HMGXB3: variants seen among roughly 807,000 people sequenced by gnomAD.
The protein encoded by HMGXB3 is HMG-box containing 3.
HMGXB3 carries 45 observed loss-of-function variants against 121.5 expected under a neutral mutation model. That is an observed-to-expected ratio of 0.37 (90% CI 0.29 to 0.47). The LOEUF is 0.47. Among genes scored for constraint, HMGXB3 ranks in the 20% least tolerant of loss-of-function variants. HMGXB3 has a pLI of 0.99. For missense variants in HMGXB3, 1,376 were observed against 1,602.2 expected (o/e 0.86, Z 2.41); for synonymous variants, 590 against 624.1 (o/e 0.95, Z 0.81).
In HMGXB3 at chr5:150,048,832, C is replaced by T. The variant is rs216125; in HGVS notation, c.3201+147C>T. On this transcript the variant is annotated intron_variant, in intron 18 of 19. Coordinates refer to ENST00000502717, the MANE Select transcript of HMGXB3 (RefSeq NM_014983.3). ...CTGCCCACGGGTCAGGTGCTACCCC[C>T]TGGGCTAGGGAGGGAGGCTGGGTCT... The T allele has an allele frequency of 3.2e-4, 203 of 634,352 alleles. 6 individuals carry two copies. The highest frequency in any genetic ancestry group is 3.0e-3 in the South Asian group (157 of 53,172). 39.3% of individuals were successfully genotyped at this position (634,352 alleles called of 1,614,324 possible). A position where few individuals can be genotyped will look rare whatever the true frequency, so the allele number is the denominator to read the frequency against.
At chr5:150,037,626 C>A in intron 13 of HMGXB3, 99 bp downstream of exon 13, 2 of 1,058,274 alleles carry the variant, frequency 1.9e-6, no homozygotes, top group Non-Finnish European at 2.5e-6. Flanking sequence ...TGGGCCTTCT[C>A]AGATGGGGCT....
chr5:150,023,956 A>G (rs1025234489), intron 6 of HMGXB3, among the ~76,000 whole-genome samples: 6 of 152,248 alleles, frequency 3.9e-5, no homozygotes, highest in Non-Finnish European at 5.9e-5. Flanking sequence ...ATGTAAAACT[A>G]AATGTAAACC....
chr5:150,048,771 G>T, intron 18 of HMGXB3, 86 bp downstream of exon 18: 1 of 1,043,236 alleles, frequency 9.6e-7, no homozygotes. Context: ...AGTTTTGGGG[G>T]GCTAGACTTA....
At chr5:150,003,968 C>T (rs1581243841) in intron 1 of HMGXB3, among the ~76,000 whole-genome samples, 1 of 151,810 alleles carries the variant, frequency 6.6e-6, no homozygotes, top group African/African-American at 2.4e-5. Flanking sequence ...AACAAAAAAC[C>T]CAAAAACAAA....
intron 5 of HMGXB3, 139 bp from the exon 6 acceptor site, chr5:150,018,427 C>T: frequency 4.7e-6 from 3 of 635,872 alleles, no homozygotes; most frequent in South Asian, 4.5e-5. Flanking sequence ...AGGACCTTTC[C>T]AACACTGACC....
chr5:150,002,466 G>C (rs1349938640), intron 1 of HMGXB3, among the ~76,000 whole-genome samples: 6 of 152,124 alleles, frequency 3.9e-5, no homozygotes, highest in African/African-American at 1.2e-4. Flanking sequence ...CTAAATGAGA[G>C]GTGTGTGGGC....
In HMGXB3 at chr5:150,043,866, A is replaced by G. The variant is rs371713011; in HGVS notation, c.2731-1600A>G. Among the ~76,000 whole-genome samples, 33 of 152,300 alleles carry G rather than the reference A, an allele frequency of 2.2e-4. No homozygotes were observed. The East Asian group carries it at 5.2e-3, about 24-fold the overall frequency. Reference sequence around the variant, plus strand: ...GCTCTTTCTCAGCCGCTGACTGTGGAGTCTGCACCCTAAGCACTGCCATTC... The same window carrying G: ...GCTCTTTCTCAGCCGCTGACTGTGGGGTCTGCACCCTAAGCACTGCCATTC... On this transcript the variant is annotated intron_variant, in intron 15 of 19. Transcript: ENST00000502717.
intron 1 of HMGXB3, among the ~76,000 whole-genome samples, chr5:150,003,615 AAACTTAATG>A (rs1755627612): frequency 7.2e-6 from 1 of 139,418 alleles, no homozygotes; most frequent in African/African-American, 2.5e-5. Context: ...ATTAAAAAAA[AAACTTAATG>A]AACTCTTCCA....
intron 11 of HMGXB3, among the ~76,000 whole-genome samples, 182 bp from the exon 12 acceptor site, chr5:150,036,454 A>G (rs888098938): frequency 6.6e-6 from 1 of 152,164 alleles, no homozygotes; most frequent in African/African-American, 2.4e-5. Context: ...TGAGCCCCAC[A>G]GAGAAAAATA....
chr5:150,050,347 G>A lies in HMGXB3; in HGVS notation c.3297G>A (p.Val1099=), dbSNP rs1326078376. Residue 1099 remains valine, a synonymous_variant, in exon 19 of 20, where the codon GTG becomes GTA. Coordinates refer to ENST00000502717, the MANE Select transcript of HMGXB3 (RefSeq NM_014983.3). ...CCCGCCACTGGCCGCCTGTCTATGTGGTAGATATGGCCACGTCAGTGGCCC... is the reference window on the plus strand; with the variant it reads ...CCCGCCACTGGCCGCCTGTCTATGTAGTAGATATGGCCACGTCAGTGGCCC... ...ASSRHWPPVY[V]VDMATSVALC... 1.3e-6 allele frequency: 2 copies of A among 1,551,900 alleles called. No homozygotes were observed. The highest frequency in any genetic ancestry group is 1.7e-6 in the Non-Finnish European group (2 of 1,147,032).
At chr5:150,039,071 TAC>T (rs1361922604) in intron 13 of HMGXB3, among the ~76,000 whole-genome samples, 13 of 152,368 alleles carry the variant, frequency 8.5e-5, no homozygotes, top group African/African-American at 3.1e-4. Context: ...GGGTAAAAGT[TAC>T]AGTTTGCTCT....
chr5:150,017,937 A>G (rs1755995303), intron 5 of HMGXB3, among the ~76,000 whole-genome samples: 2 of 152,242 alleles, frequency 1.3e-5, no homozygotes, highest in Admixed American at 6.5e-5. Flanking sequence ...ATTAATATGC[A>G]AATAACTACA....
chr5:150,042,719 T>C (rs1161802811), intron 15 of HMGXB3, among the ~76,000 whole-genome samples: 2 of 152,170 alleles, frequency 1.3e-5, no homozygotes, highest in African/African-American at 4.8e-5. Flanking sequence ...GGAGAGCCAC[T>C]GAAGGGGTTG....
intron 3 of HMGXB3, among the ~76,000 whole-genome samples, chr5:150,007,223 C>T (rs117695358): frequency 2.0e-5 from 3 of 152,326 alleles, no homozygotes; most frequent in East Asian, 3.9e-4. Flanking sequence ...GGTTAAAGGA[C>T]TAACAAGGAA....
intron 15 of HMGXB3, among the ~76,000 whole-genome samples, chr5:150,044,796 C>T (rs141896269): frequency 9.9e-5 from 15 of 152,136 alleles, no homozygotes; most frequent in African/African-American, 1.4e-4. Flanking sequence ...TATTAGGATC[C>T]GGGTCACGTT....
chr5:150,013,747 G>A (rs1160206404), intron 5 of HMGXB3, among the ~76,000 whole-genome samples: 1 of 152,170 alleles, frequency 6.6e-6, no homozygotes, highest in Non-Finnish European at 1.5e-5. Context: ...TGGCTTTCAA[G>A]GAATTTGTCC....
chr5:150,018,748 C>G, intron 6 of HMGXB3, 51 bp downstream of exon 6: 1 of 1,494,466 alleles, frequency 6.7e-7, no homozygotes, highest in Non-Finnish European at 9.0e-7. Flanking sequence ...AATAGACTTT[C>G]TGTTTGCCAT....
Position 150,052,433 on chromosome 5 carries a change from G to A in HMGXB3, c.*241G>A, listed in dbSNP as rs754034806. ...CTTCTGGCCCCGAGAGAGCACTTGG[G>A]GGACACGGTATGTTTAATGGAGGGG... On this transcript the variant is annotated 3_prime_UTR_variant, in exon 20 of 20. Transcript: ENST00000502717. The A allele has an allele frequency of 7.3e-5, 38 of 523,324 alleles. No homozygotes were observed. Among genetic ancestry groups the A allele is most frequent in the Non-Finnish European group, 1.2e-4 (35 of 291,374 alleles). 32.4% of individuals were successfully genotyped at this position (523,324 alleles called of 1,614,324 possible).
rs115944726 is a variant in HMGXB3 at position 150,022,595 on chromosome 5, A to G, written c.1042-1667A>G. ...ATCTTTCTGTGGTGATTTTTGTCTA[A>G]AATAGCCTACTTAGTAGGCAGTGTT... On this transcript the variant is annotated intron_variant, in intron 6 of 19. Transcript: ENST00000502717. 4.3e-3 allele frequency among the ~76,000 whole-genome samples: 652 copies of G among 152,256 alleles called. 3 individuals carry two copies. The highest frequency in any genetic ancestry group is 0.015 in the African/African-American group (623 of 41,530).
Sources: allele counts gnomAD v4.1 joint callset (sites outside exome capture counted in the v4.1 genomes callset), GRCh38; gene constraint gnomAD v4.1.1; transcripts MANE v1.5; gene names NCBI Gene and HGNC (gene_info 2026-07-23, HGNC 2026-07-21).